SHTN1: variants seen among roughly 807,000 people sequenced by gnomAD.
The protein encoded by SHTN1 is shootin 1.
SHTN1 carries 42 observed loss-of-function variants against 83.1 expected under a neutral mutation model. The ratio of observed to expected loss-of-function variants is 0.51; its 90% CI spans 0.39 to 0.65. The LOEUF (loss-of-function observed/expected upper bound fraction) is 0.65, where lower values mean the gene tolerates loss of function less well. Ranked by LOEUF, SHTN1 falls within the 30% of genes least tolerant of loss-of-function variation. The probability of loss-of-function intolerance (pLI) is 0.00; values close to 1 mark genes in which losing one functional copy is unlikely to be tolerated. For missense variants in SHTN1, 622 were observed against 737.8 expected (o/e 0.84, Z 1.82); for synonymous variants, 224 against 247.7 (o/e 0.90, Z 0.90).
At chr10:117,003,820 A>G (rs1851907239) in intron 1 of SHTN1, among the ~76,000 whole-genome samples, 1 of 152,214 alleles carries the variant, frequency 6.6e-6, no homozygotes, top group South Asian at 2.1e-4. Context: ...GACATTCAGA[A>G]AAGTACATGT....
At chr10:116,948,330 A>G (rs1849660135) in intron 7 of SHTN1, among the ~76,000 whole-genome samples, 1 of 152,176 alleles carries the variant, frequency 6.6e-6, no homozygotes, top group Admixed American at 6.5e-5. Flanking sequence ...TTTCCTGATC[A>G]TTAGGTTCAT....
intron 9 of SHTN1, among the ~76,000 whole-genome samples, chr10:116,930,902 CTT>C (rs746807097): frequency 9.9e-5 from 15 of 152,102 alleles, no homozygotes; most frequent in Non-Finnish European, 1.9e-4. Context: ...TATTTTTTGA[CTT>C]TTTAGTAACA....
intron 2 of SHTN1, chr10:117,048,338 T>G (rs1256972470): frequency 1.4e-5 from 4 of 287,350 alleles, no homozygotes; most frequent in Non-Finnish European, 2.1e-5. Context: ...TCAACACTCA[T>G]TCACAAAGAG....
chr10:116,896,809 T>C (rs1175774501), intron 16 of SHTN1, among the ~76,000 whole-genome samples: 3 of 150,260 alleles, frequency 2.0e-5, no homozygotes, highest in Non-Finnish European at 4.4e-5. Context: ...TACTTTTTTT[T>C]TTTTTTTTTT....
At chr10:116,909,978 G>C (rs184001401) in intron 14 of SHTN1, among the ~76,000 whole-genome samples, 25 of 152,204 alleles carry the variant, frequency 1.6e-4, no homozygotes, top group Non-Finnish European at 3.1e-4. Flanking sequence ...TGCCATGATT[G>C]TGAGGTTGGG....
chr10:117,036,161 A>G (rs1339830176), intron 2 of SHTN1, among the ~76,000 whole-genome samples: 1 of 152,110 alleles, frequency 6.6e-6, no homozygotes, highest in Non-Finnish European at 1.5e-5. Flanking sequence ...ATGTGAAGAA[A>G]AGGGAACCCT....
At position 116,886,313 on chromosome 10, in the gene SHTN1, T is replaced by TTCCAAACATG. The variant is rs754365470; in HGVS notation, c.*21_*30dup. On this transcript the variant is annotated 3_prime_UTR_variant, in exon 17 of 17. Transcript: ENST00000355371. Reference sequence around the variant, plus strand: ...TAATCATGTGCTTATTGAAAAGGACTTCCAAACATGTCAGGCTTCTGGTTT... The same window carrying TTCCAAACATG: ...TAATCATGTGCTTATTGAAAAGGACTTCCAAACATGTCCAAACATGTCAGGCTTCTGGTTT... 2.1e-5 allele frequency: 33 copies of TTCCAAACATG among 1,551,716 alleles called. No homozygotes were observed. The Middle Eastern group carries it at 5.0e-4, about 23-fold the overall frequency.
intron 2 of SHTN1, among the ~76,000 whole-genome samples, chr10:117,030,239 C>A (rs546657470): frequency 4.4e-4 from 67 of 152,148 alleles, no homozygotes; most frequent in African/African-American, 1.6e-3. Flanking sequence ...GTGAGAATGA[C>A]GTAATACAAC....
intron 2 of SHTN1, among the ~76,000 whole-genome samples, chr10:117,022,423 T>C (rs188960104): frequency 4.4e-4 from 67 of 152,272 alleles, no homozygotes; most frequent in African/African-American, 1.6e-3. Context: ...GTTGAAAATA[T>C]TGCTTGCTGA....
chr10:116,983,683 GATAA>G (rs1287608267), intron 1 of SHTN1, among the ~76,000 whole-genome samples: 33 of 14,784 alleles, frequency 2.2e-3, no homozygotes, highest in Non-Finnish European at 6.0e-3. Flanking sequence ...TAGATAGATA[GATAA>G]ATACATACAT....
At chr10:117,058,985 G>T (rs1852863730) in intron 1 of SHTN1, among the ~76,000 whole-genome samples, 1 of 152,094 alleles carries the variant, frequency 6.6e-6, no homozygotes, top group Non-Finnish European at 1.5e-5. Context: ...GAAAGGAGGA[G>T]GAAATGGTTA....
chr10:116,921,374 T>C (rs368683347), intron 12 of SHTN1, 60 bp downstream of exon 12: 37 of 1,200,624 alleles, frequency 3.1e-5, no homozygotes, highest in Non-Finnish European at 4.4e-5. Context: ...TTAACAAATA[T>C]GTGAATTGCC....
chr10:116,925,050 C>T (rs1248625414), intron 11 of SHTN1, among the ~76,000 whole-genome samples: 1 of 152,166 alleles, frequency 6.6e-6, no homozygotes, highest in East Asian at 1.9e-4. Flanking sequence ...GCCACTGCGC[C>T]CGGCCTTCAC....
chr10:116,921,165 C>G (rs1848551153), intron 12 of SHTN1, among the ~76,000 whole-genome samples: 1 of 152,150 alleles, frequency 6.6e-6, no homozygotes, highest in Non-Finnish European at 1.5e-5. Context: ...ATTACTCCCT[C>G]TCTTTCCTGT....
intron 2 of SHTN1, among the ~76,000 whole-genome samples, chr10:117,029,743 G>C (rs867309839): frequency 6.6e-6 from 1 of 152,050 alleles, no homozygotes. Context: ...TGCCATGATT[G>C]CAAGTTTCCT....
chr10:116,957,505 C>G (rs1177073359), intron 4 of SHTN1, among the ~76,000 whole-genome samples: 2 of 151,494 alleles, frequency 1.3e-5, no homozygotes, highest in Admixed American at 1.3e-4. Flanking sequence ...CTGCCCACCT[C>G]AGCCTCCCAA....
chr10:116,964,523 A>G (rs1170551978), intron 3 of SHTN1, among the ~76,000 whole-genome samples: 3 of 152,252 alleles, frequency 2.0e-5, no homozygotes, highest in Non-Finnish European at 4.4e-5. Flanking sequence ...TAGATGTAGA[A>G]TATCTCTAAA....
At chr10:117,083,971 T>C (rs1214082276) in intron 1 of SHTN1, among the ~76,000 whole-genome samples, 1 of 151,916 alleles carries the variant, frequency 6.6e-6, no homozygotes, top group African/African-American at 2.4e-5. Flanking sequence ...AGTTTTCAAC[T>C]TCTTTGCCTT....
intron 4 of SHTN1, among the ~76,000 whole-genome samples, chr10:116,958,709 A>C (rs946323564): frequency 6.6e-6 from 1 of 152,204 alleles, no homozygotes; most frequent in Non-Finnish European, 1.5e-5. Flanking sequence ...GGGGAGACAG[A>C]ATAAAGTAAT....
Sources: allele counts gnomAD v4.1 joint callset (sites outside exome capture counted in the v4.1 genomes callset), GRCh38; gene constraint gnomAD v4.1.1; transcripts MANE v1.5; gene names NCBI Gene and HGNC (gene_info 2026-07-23, HGNC 2026-07-21).